TMED10: variants seen among roughly 807,000 people sequenced by gnomAD.
TMED10 encodes the protein transmembrane emp24 domain-containing protein 10.
Under a neutral mutation model 23.1 loss-of-function variants are expected in TMED10, and 7 were observed. That is an observed-to-expected ratio of 0.30 (90% CI 0.17 to 0.57). TMED10 has a LOEUF of 0.57. TMED10 is among the 20% of genes least tolerant of loss of function. TMED10 has a pLI of 0.91. For synonymous variants in TMED10, 113 were observed against 106.9 expected (o/e 1.06, Z -0.35); for missense variants, 162 against 274.8 (o/e 0.59, Z 2.90).
intron 1 of TMED10, among the ~76,000 whole-genome samples, chr14:75,173,391 G>A (rs1896260159): frequency 6.6e-6 from 1 of 151,452 alleles, no homozygotes; most frequent in Non-Finnish European, 1.5e-5. Context: ...AAGGAAGGAA[G>A]GGAAGGAAGA....
intron 3 of TMED10, among the ~76,000 whole-genome samples, chr14:75,137,488 C>A (rs563471571): frequency 1.4e-5 from 2 of 146,356 alleles, no homozygotes; most frequent in Non-Finnish European, 1.5e-5. Context: ...CTGGCTAACA[C>A]GGTGAAACCC....
In TMED10 at chr14:75,135,800, G is replaced by A. The variant is rs1895741972; in HGVS notation, c.498C>T (p.Ala166=). 3 of 1,614,124 alleles carry A rather than the reference G, an allele frequency of 1.9e-6. No individual in the cohort carries two copies. Among genetic ancestry groups the A allele is most frequent in the Non-Finnish European group, 2.5e-6 (3 of 1,180,010 alleles). Residue 166 remains alanine (A), a synonymous_variant, in exon 4 of 5, where the codon GCC becomes GCT. Transcript: ENST00000303575. ...TCTCCTCTTCTCTCTTCTTCATGTA[G>A]GCAAAATCATTAACAATAGATTCTG... The part of the protein sequence containing the change: ...DLSESIVNDF[A]YMKKREEEMR...
At chr14:75,166,273 C>T (rs1411328021) in intron 1 of TMED10, among the ~76,000 whole-genome samples, 1 of 152,186 alleles carries the variant, frequency 6.6e-6, no homozygotes. Flanking sequence ...CAACCTCCCT[C>T]AAGTCGGAGA....
At position 75,134,859 on chromosome 14, in the gene TMED10, G is replaced by C; in HGVS notation, c.*26C>G. 1.2e-6 allele frequency: 2 copies of C among 1,612,944 alleles called. No individual in the cohort carries two copies. The highest frequency in any genetic ancestry group is 1.7e-6 in the Non-Finnish European group (2 of 1,179,300). Reference sequence around the variant, plus strand: ...CGATGTTCTGCTGGCTGAGGTACAAGGTGGGAGGAGAATATGCCTCATTCA... The same window carrying C: ...CGATGTTCTGCTGGCTGAGGTACAACGTGGGAGGAGAATATGCCTCATTCA... On this transcript the variant is annotated 3_prime_UTR_variant, in exon 5 of 5. Coordinates refer to ENST00000303575, the MANE Select transcript of TMED10 (RefSeq NM_006827.6).
At chr14:75,140,430 A>G (rs1342665727) in intron 3 of TMED10, among the ~76,000 whole-genome samples, 1 of 151,514 alleles carries the variant, frequency 6.6e-6, no homozygotes, top group African/African-American at 2.4e-5. Flanking sequence ...AAAATTAGCC[A>G]GGTGTGGTGG....
chr14:75,163,798 T>A (rs1044219842), intron 1 of TMED10, among the ~76,000 whole-genome samples: 3 of 145,232 alleles, frequency 2.1e-5, no homozygotes, highest in Non-Finnish European at 4.6e-5. Flanking sequence ...ATTGTGAGGA[T>A]TTTTTTTTTT....
At chr14:75,147,434 T>C (rs1183872314) in intron 3 of TMED10, 1 of 551,954 alleles carries the variant, frequency 1.8e-6, no homozygotes, top group African/African-American at 1.9e-5. Context: ...CCTCAGGCGA[T>C]CCACCCGCCT....
intron 1 of TMED10, 63 bp downstream of exon 1, chr14:75,176,292 C>T (rs1896304529): frequency 6.3e-6 from 10 of 1,595,176 alleles, no homozygotes; most frequent in Non-Finnish European, 8.6e-6. Context: ...CCCCCGAACC[C>T]GAGCCTCCCC....
At chr14:75,153,470 A>G (rs1895980030) in intron 1 of TMED10, among the ~76,000 whole-genome samples, 1 of 152,340 alleles carries the variant, frequency 6.6e-6, no homozygotes, top group East Asian at 1.9e-4. Context: ...AGCCACATAC[A>G]AAGCAAGGGA....
In TMED10 at chr14:75,147,441, G is replaced by A. The variant is rs1465080703; in HGVS notation, c.411+223C>T. The A allele has an allele frequency of 2.3e-5, 13 of 565,344 alleles. No homozygotes were observed. Among genetic ancestry groups the A allele is most frequent in the Admixed American group, 1.2e-4 (4 of 34,242 alleles). The allele number at this position is 565,344 out of a possible 1,614,324, so 35.0% of individuals were successfully genotyped here. A position where few individuals can be genotyped will look rare whatever the true frequency, so the allele number is the denominator to read the frequency against. On this transcript the variant is annotated intron_variant, in intron 3 of 4. Coordinates refer to ENST00000303575, the MANE Select transcript of TMED10 (RefSeq NM_006827.6). ...ACTCCTGACCTCAGGCGATCCACCC[G>A]CCTTGGCCTCCCAAAGTGCTGGGAT...
chr14:75,162,329 C>T (rs1428504714), intron 1 of TMED10, among the ~76,000 whole-genome samples: 1 of 152,114 alleles, frequency 6.6e-6, no homozygotes, highest in Non-Finnish European at 1.5e-5. Flanking sequence ...GTCAAAGGGA[C>T]ACAGGAACCT....
At chr14:75,161,510 T>C (rs1449088311) in intron 1 of TMED10, among the ~76,000 whole-genome samples, 2 of 152,190 alleles carry the variant, frequency 1.3e-5, no homozygotes, top group Non-Finnish European at 2.9e-5. Context: ...ACAATTTTCC[T>C]GGAAGTAACC....
At chr14:75,150,918 T>G (rs1895948144) in intron 2 of TMED10, among the ~76,000 whole-genome samples, 1 of 152,192 alleles carries the variant, frequency 6.6e-6, no homozygotes, top group African/African-American at 2.4e-5. Flanking sequence ...TTTTGTTTGT[T>G]TTGAGACAGA....
chr14:75,176,056 G>A (rs563530562), intron 1 of TMED10: 18 of 448,140 alleles, frequency 4.0e-5, no homozygotes, highest in South Asian at 3.9e-4. Flanking sequence ...CCAAATTACG[G>A]TTCAATGTAT....
chr14:75,160,500 A>AT (rs1380215979), intron 1 of TMED10, among the ~76,000 whole-genome samples: 3 of 152,078 alleles, frequency 2.0e-5, no homozygotes, highest in Non-Finnish European at 4.4e-5. Context: ...TTCTTCTTAA[A>AT]TTGTCCTAGA....
chr14:75,137,145 GGA>G lies in TMED10; in HGVS notation c.412-1261_412-1260del, dbSNP rs1895759849. On this transcript the variant is annotated intron_variant, in intron 3 of 4. Transcript: ENST00000303575. ...CCTGCCTCAGCCTCCTAAGTAGCTG[GGA>G]CTACAGGCGTGCGCCACCACACCCA... 2.6e-5 allele frequency among the ~76,000 whole-genome samples: 4 copies of G among 151,172 alleles called. No homozygotes were observed. The South Asian group carries it at 8.4e-4, about 32-fold the overall frequency.
chr14:75,148,101 TTGAG>T (rs1566671261), intron 2 of TMED10, among the ~76,000 whole-genome samples: 1 of 151,966 alleles, frequency 6.6e-6, no homozygotes. Context: ...CAGTGTGAAA[TTGAG>T]TGGCATATAA....
At chr14:75,137,855 T>G (rs1252256628) in intron 3 of TMED10, among the ~76,000 whole-genome samples, 1 of 151,880 alleles carries the variant, frequency 6.6e-6, no homozygotes, top group Non-Finnish European at 1.5e-5. Flanking sequence ...ATTACAGGTG[T>G]GTGCCACCCC....
chr14:75,171,113 G>A (rs1288022635), intron 1 of TMED10, among the ~76,000 whole-genome samples: 1 of 151,996 alleles, frequency 6.6e-6, no homozygotes, highest in Non-Finnish European at 1.5e-5. Context: ...TTATCACAAG[G>A]GTCCTTATAA....
Sources: allele counts gnomAD v4.1 joint callset (sites outside exome capture counted in the v4.1 genomes callset), GRCh38; gene constraint gnomAD v4.1.1; transcripts MANE v1.5; gene names NCBI Gene and HGNC (gene_info 2026-07-23, HGNC 2026-07-21).